The following TANC2 variants were observed in gnomAD, a reference collection of about 807,000 sequenced individuals.
The protein encoded by TANC2 is tetratricopeptide repeat, ankyrin repeat and coiled-coil containing 2.
A neutral mutation model predicts 210.5 loss-of-function variants in TANC2; 26 were observed. The observed-to-expected ratio is 0.12, with a 90% CI of 0.09 to 0.17. The LOEUF (loss-of-function observed/expected upper bound fraction) is 0.17, where lower values mean the gene tolerates loss of function less well. Ranked by LOEUF, TANC2 falls within the 10% of genes least tolerant of loss-of-function variation. TANC2 has a pLI of 1.00. For missense variants in TANC2, 2,129 were observed against 2,608.9 expected (o/e 0.82, Z 4.01); for synonymous variants, 931 against 967.1 (o/e 0.96, Z 0.69).
chr17:63,390,675 A>G (rs1454819434), intron 17 of TANC2: 2 of 151,906 alleles, frequency 1.3e-5, no homozygotes, highest in East Asian at 3.9e-4. Context: ...TATTGCTCGG[A>G]GGTTTGCTAA....
At chr17:62,975,855 T>C (rs1403331451) in intron 1 of TANC2, among the ~76,000 whole-genome samples, 2 of 152,154 alleles carry the variant, frequency 1.3e-5, no homozygotes, top group African/African-American at 2.4e-5. Context: ...ACTTAATAAA[T>C]GGTAATTTTT....
At position 63,276,494 on chromosome 17, in the gene TANC2, C is replaced by CT. The variant is rs554302518; in HGVS notation, c.1159+8637dup. On this transcript the variant is annotated intron_variant, in intron 9 of 27. Transcript: ENST00000689528. ...TTTGGGAGAATTGGGTTTTCCCTTT[C>CT]TTTTTTTTTTTTTTTTAACTGTTCT... Among the ~76,000 whole-genome samples the CT allele has an allele frequency of 8.0e-3, 1,071 of 134,150 alleles. 10 individuals carry two copies. The highest frequency in any genetic ancestry group is 0.02 in the African/African-American group (753 of 36,916). 88.0% of individuals were successfully genotyped at this position (134,150 alleles called of 152,430 possible).
chr17:63,130,988 A>T (rs1166263440), intron 4 of TANC2: 2 of 152,228 alleles, frequency 1.3e-5, no homozygotes, highest in African/African-American at 4.8e-5. Context: ...AGCAGAGTTT[A>T]TAAGAGTCAA....
chr17:63,288,044 G>A (rs915478611), intron 9 of TANC2, among the ~76,000 whole-genome samples: 2 of 152,170 alleles, frequency 1.3e-5, no homozygotes, highest in African/African-American at 4.8e-5. Context: ...TATGTAAGAA[G>A]CAGATACTTT....
intron 5 of TANC2, among the ~76,000 whole-genome samples, chr17:63,158,586 T>C (rs1483178870): frequency 6.6e-6 from 1 of 152,196 alleles, no homozygotes. Context: ...AGTCTTTTTG[T>C]TTTTTCTTAT....
chr17:63,034,684 T>C (rs2034903185), intron 2 of TANC2, among the ~76,000 whole-genome samples: 1 of 152,136 alleles, frequency 6.6e-6, no homozygotes, highest in Admixed American at 6.6e-5. Flanking sequence ...TGGAAGAAGT[T>C]GATTCCAACC....
chr17:63,079,131 G>C (rs1317130313), intron 3 of TANC2, among the ~76,000 whole-genome samples: 1 of 152,164 alleles, frequency 6.6e-6, no homozygotes, highest in Non-Finnish European at 1.5e-5. Flanking sequence ...AGATGGGCTT[G>C]CTTAGGAACA....
intron 7 of TANC2, among the ~76,000 whole-genome samples, chr17:63,209,940 T>A (rs1487768493): frequency 6.6e-6 from 1 of 152,242 alleles, no homozygotes; most frequent in Non-Finnish European, 1.5e-5. Flanking sequence ...TGGTGTAAAC[T>A]ACATTAATTT....
Position 63,355,053 on chromosome 17 carries a change from A to G in TANC2, c.2245A>G (p.Ser749Gly). Residue 749 changes from serine (S) to glycine (G), a missense_variant, in exon 14 of 28, where the codon AGC becomes GGC. By Grantham distance (56) the Ser-to-Gly change is moderately conservative. Transcript: ENST00000689528. ...AGGCTATCTAGTGTTAAAGAGCTCT[A>G]GCTACAAAGTAGTTCCTGTTTCGCT... 2 of 1,613,950 alleles carry G rather than the reference A, an allele frequency of 1.2e-6. No homozygotes were observed. Among genetic ancestry groups the G allele is most frequent in the Non-Finnish European group, 1.7e-6 (2 of 1,179,824 alleles).
intron 6 of TANC2, among the ~76,000 whole-genome samples, chr17:63,195,303 G>A (rs879565864): frequency 9.2e-5 from 14 of 152,034 alleles, no homozygotes; most frequent in Non-Finnish European, 1.8e-4. Context: ...AACTTAACAT[G>A]TCAGATTTCT....
intron 5 of TANC2, among the ~76,000 whole-genome samples, chr17:63,172,051 T>G (rs1170229238): frequency 6.6e-6 from 1 of 152,202 alleles, no homozygotes; most frequent in Non-Finnish European, 1.5e-5. Flanking sequence ...AATTATCCAG[T>G]ACAATAACTG....
In TANC2 at chr17:63,420,526, G is replaced by A. The variant is rs368429977; in HGVS notation, c.4796G>A (p.Arg1599His). Residue 1599 changes from arginine (R) to histidine (H), a missense_variant, in exon 28 of 28, where the codon CGT becomes CAT. By Grantham distance (29) the Arg-to-His change is conservative. Transcript: ENST00000689528. The surrounding 1 kb of genome is among the most constrained non-coding windows in gnomAD (Gnocchi z 4.2). ...CCGGCTCATCAGGGAGGATCTTACCGTTTCAGCCCCCCTCCTGTGGGAGGA... is the reference window on the plus strand; with the variant it reads ...CCGGCTCATCAGGGAGGATCTTACCATTTCAGCCCCCCTCCTGTGGGAGGA... 4.5e-5 allele frequency: 73 copies of A among 1,613,716 alleles called. No individual in the cohort carries two copies. The highest frequency in any genetic ancestry group is 5.5e-5 in the Non-Finnish European group (65 of 1,179,818).
At chr17:63,016,411 CAAA>C (rs2034112289) in intron 2 of TANC2, among the ~76,000 whole-genome samples, 1 of 152,018 alleles carries the variant, frequency 6.6e-6, no homozygotes, top group Non-Finnish European at 1.5e-5. Flanking sequence ...CCTGTCTCTA[CAAA>C]AAAAATTTTT....
At chr17:63,425,695 A>G (rs1045785041) in exon 28 of TANC2, 1 of 152,230 alleles carries the variant, frequency 6.6e-6, no homozygotes, top group African/African-American at 2.4e-5. Flanking sequence ...GGAGAAGGCA[A>G]CAGAGGCCTG....
intron 11 of TANC2, among the ~76,000 whole-genome samples, chr17:63,335,841 T>C (rs1053699642): frequency 6.6e-6 from 1 of 152,174 alleles, no homozygotes; most frequent in Non-Finnish European, 1.5e-5. Flanking sequence ...TTATGTAAGA[T>C]GTTAATAATA....
At chr17:62,993,193 T>C (rs1196756145) in intron 1 of TANC2, among the ~76,000 whole-genome samples, 1 of 152,228 alleles carries the variant, frequency 6.6e-6, no homozygotes, top group African/African-American at 2.4e-5. Context: ...CAGAGTCCCT[T>C]TGCCATGTAA....
chr17:63,424,222 GTC>G (rs2049092019), exon 28 of TANC2: 19 of 152,134 alleles, frequency 1.2e-4, no homozygotes, highest in Admixed American at 1.2e-3. Flanking sequence ...TCTCCCCAGG[GTC>G]TCTCAGTTTT....
At chr17:62,974,625 T>C (rs2031896899) in intron 1 of TANC2, among the ~76,000 whole-genome samples, 1 of 152,228 alleles carries the variant, frequency 6.6e-6, no homozygotes, top group Non-Finnish European at 1.5e-5. Context: ...GGAAATTTCA[T>C]ATTCTTCCTT....
chr17:63,405,926 T>C (rs950350762), intron 20 of TANC2, among the ~76,000 whole-genome samples: 2 of 152,240 alleles, frequency 1.3e-5, no homozygotes, highest in Non-Finnish European at 2.9e-5. Context: ...CTTTTTTACT[T>C]AGTAGCTGAG....
Sources: allele counts gnomAD v4.1 joint callset (sites outside exome capture counted in the v4.1 genomes callset), GRCh38; gene constraint gnomAD v4.1.1; non-coding constraint Gnocchi (gnomAD v3.1); transcripts MANE v1.5; gene names NCBI Gene and HGNC (gene_info 2026-07-23, HGNC 2026-07-21).